The following EXOSC6 variants were observed in gnomAD, a reference collection of about 807,000 sequenced individuals.
EXOSC6 encodes exosome component 6.
Under a neutral mutation model 16.7 loss-of-function variants are expected in EXOSC6, and 21 were observed. The observed-to-expected ratio is 1.26, with a 90% CI of 0.89 to 1.82. The LOEUF is 1.82. Among genes scored for constraint, EXOSC6 ranks in the 40% most tolerant of loss-of-function variants. The pLI is 0.00. For missense variants in EXOSC6, 538 were observed against 415.7 expected (o/e 1.29, Z -2.56); for synonymous variants, 297 against 217.1 (o/e 1.37, Z -3.24).
chr16:70,251,757 C>G lies in EXOSC6; in HGVS notation c.144G>C (p.Gln48His), dbSNP rs1959829078. Reference protein sequence around the residue: ...PVYARAGLLSQAKGSAYLEAG... With the variant: ...PVYARAGLLSHAKGSAYLEAG... ...CCTCCAGGTAGGCCGAGCCCTTGGC[C>G]TGGCTCAGCAGCCCGGCGCGCGCGT... The change falls in exon 1 of 1, where the codon CAG (glutamine) becomes CAC (histidine). Residue 48 changes from glutamine (Q) to histidine (H), a missense_variant. Coordinates refer to ENST00000435634, the MANE Select transcript of EXOSC6 (RefSeq NM_058219.3). 1.4e-6 allele frequency: 2 copies of G among 1,429,444 alleles called. No individual in the cohort carries two copies. Among genetic ancestry groups the G allele is most frequent in the African/African-American group, 3.0e-5 (2 of 66,492 alleles). 88.5% of individuals were successfully genotyped at this position (1,429,444 alleles called of 1,614,324 possible).
In EXOSC6 at chr16:70,249,774, A is replaced by T. The variant is rs933465598; in HGVS notation, c.*1308T>A. 6.6e-6 allele frequency: 1 copy of T among 152,008 alleles called. No homozygotes were observed. Among genetic ancestry groups the T allele is most frequent in the African/African-American group, 2.4e-5 (1 of 41,360 alleles). The allele number at this position is 152,008 out of a possible 1,614,324, so 9.4% of individuals were successfully genotyped here. ...AGACCAGCTTGGCCAACATGATGAAACCCCATCTTCTCTAAAAATACAAAA... is the reference window on the plus strand; with the variant it reads ...AGACCAGCTTGGCCAACATGATGAATCCCCATCTTCTCTAAAAATACAAAA... On this transcript the variant is annotated 3_prime_UTR_variant, in exon 1 of 1. Transcript: ENST00000435634.
chr16:70,250,961 A>T lies in EXOSC6; in HGVS notation c.*121T>A. On this transcript the variant is annotated 3_prime_UTR_variant, in exon 1 of 1. Transcript: ENST00000435634. ...CTGGCAGTCAGGTCAGTCCAACCACAGTCATATCAGGGCCCTTCCAGGAAT... is the reference window on the plus strand; with the variant it reads ...CTGGCAGTCAGGTCAGTCCAACCACTGTCATATCAGGGCCCTTCCAGGAAT... 7.8e-7 allele frequency: 1 copy of T among 1,281,148 alleles called. No homozygotes were observed. Among genetic ancestry groups the T allele is most frequent in the Non-Finnish European group, 1.0e-6 (1 of 977,330 alleles). 79.4% of individuals were successfully genotyped at this position (1,281,148 alleles called of 1,614,324 possible).
rs544145339 is a variant in EXOSC6 at position 70,246,874 on chromosome 16, T to C, written c.*4208A>G. On this transcript the variant is annotated 3_prime_UTR_variant, in exon 1 of 1. Coordinates refer to ENST00000435634, the MANE Select transcript of EXOSC6 (RefSeq NM_058219.3). ...GCATTTAACCCTGGAACCTCAAATA[T>C]CACTGATTATACTCAAAGGAGCAGA... The C allele has an allele frequency of 1.0e-4, 58 of 574,592 alleles. 1 individual carries two copies. Among genetic ancestry groups the C allele is most frequent in the East Asian group, 9.5e-4 (27 of 28,538 alleles). 35.6% of individuals were successfully genotyped at this position (574,592 alleles called of 1,614,324 possible). A position where few individuals can be genotyped will look rare whatever the true frequency, so the allele number is the denominator to read the frequency against.
rs1959748428 is a variant in EXOSC6 at position 70,249,014 on chromosome 16, T to TTAAAAAAAAAAAAAAAA, written c.*2067_*2068insTTTTTTTTTTTTTTTTA. On this transcript the variant is annotated 3_prime_UTR_variant, in exon 1 of 1. Transcript: ENST00000435634. ...CCAAAATAAAGCATATCAAAAACTG[T>TTAAAAAAAAAAAAAAAA]AAAAAAAAAAAAAAAAAACCCTAAT... 1 of 103,388 alleles carries TTAAAAAAAAAAAAAAAA rather than the reference T, an allele frequency of 9.7e-6. No homozygotes were observed. The highest frequency in any genetic ancestry group is 4.0e-5 in the African/African-American group (1 of 24,898). 6.4% of individuals were successfully genotyped at this position (103,388 alleles called of 1,614,324 possible).
Position 70,251,109 on chromosome 16 carries a change from G to T in EXOSC6, c.792C>A (p.Arg264=). The T allele has an allele frequency of 6.7e-7, 1 of 1,502,920 alleles. No individual in the cohort carries two copies. The highest frequency in any genetic ancestry group is 8.8e-7 in the Non-Finnish European group (1 of 1,139,390). The allele number at this position is 1,502,920 out of a possible 1,614,324, so 93.1% of individuals were successfully genotyped here. The change falls in exon 1 of 1, where the codon CGC becomes CGA. Residue 264 remains arginine, a synonymous_variant. Coordinates refer to ENST00000435634, the MANE Select transcript of EXOSC6 (RefSeq NM_058219.3). The part of the protein sequence containing the change: ...VLQQSLVRAA[R]RRGAAAQP ...AGGGCTGGGCGGCGGCGCCCCTGCG[G>T]CGGGCGGCCCGCACCAGGCTCTGCT...
Position 70,251,046 on chromosome 16 carries a change from C to T in EXOSC6, c.*36G>A. 2 of 1,439,878 alleles carry T rather than the reference C, an allele frequency of 1.4e-6. No individual in the cohort carries two copies. The highest frequency in any genetic ancestry group is 9.0e-7 in the Non-Finnish European group (1 of 1,105,894). The allele number at this position is 1,439,878 out of a possible 1,614,324, so 89.2% of individuals were successfully genotyped here. A position where few individuals can be genotyped will look rare whatever the true frequency, so the allele number is the denominator to read the frequency against. On this transcript the variant is annotated 3_prime_UTR_variant, in exon 1 of 1. Transcript: ENST00000435634. The stretch of plus-strand genomic sequence containing the variant: ...TTTTCGTGGACGGCGGCAGCACGGT[C>T]CTCGGCTTGCGTCCGTAGTTGCTCA...
rs758396305 is a variant in EXOSC6, at chr16:70,251,787, G to A, written c.114C>T (p.Pro38=). Residue 38 remains proline, a synonymous_variant, in exon 1 of 1, where the codon CCC becomes CCT. Coordinates refer to ENST00000435634, the MANE Select transcript of EXOSC6 (RefSeq NM_058219.3). ...PGTRDPTRLR[P]VYARAGLLSQ... ...TCAGCAGCCCGGCGCGCGCGTACACGGGCCGTAGCCGCGTTGGGTCGCGGG... is the reference window on the plus strand; with the variant it reads ...TCAGCAGCCCGGCGCGCGCGTACACAGGCCGTAGCCGCGTTGGGTCGCGGG... 14 of 1,474,432 alleles carry A rather than the reference G, an allele frequency of 9.5e-6. No individual in the cohort carries two copies. The highest frequency in any genetic ancestry group is 2.2e-4 in the Middle Eastern group (1 of 4,478). The allele number at this position is 1,474,432 out of a possible 1,614,324, so 91.3% of individuals were successfully genotyped here.
chr16:70,247,507 A>G lies in EXOSC6; in HGVS notation c.*3575T>C, dbSNP rs1959717787. 6.6e-6 allele frequency: 1 copy of G among 152,288 alleles called. No individual in the cohort carries two copies. Among genetic ancestry groups the G allele is most frequent in the Non-Finnish European group, 1.5e-5 (1 of 68,134 alleles). 9.4% of individuals were successfully genotyped at this position (152,288 alleles called of 1,614,324 possible). On this transcript the variant is annotated 3_prime_UTR_variant, in exon 1 of 1. Transcript: ENST00000435634. ...ATCCAAAATATAAAGCAAATTTTAT[A>G]TAATTTATGCTTTACTATATTAGTA...
chr16:70,251,602 A>C lies in EXOSC6; in HGVS notation c.299T>G (p.Phe100Cys), dbSNP rs1235487575. 2.8e-6 allele frequency: 3 copies of C among 1,074,870 alleles called. No individual in the cohort carries two copies. Among genetic ancestry groups the C allele is most frequent in the South Asian group, 4.3e-5 (1 of 23,108 alleles). The allele number at this position is 1,074,870 out of a possible 1,614,324, so 66.6% of individuals were successfully genotyped here. ...AALRGRLLCD[F>C]RRAPFAGRRR... ...GCGGCCCGCGAAGGGTGCGCGGCGGAAGTCGCAGAGCAGGCGACCGCGCAG... is the reference window on the plus strand; with the variant it reads ...GCGGCCCGCGAAGGGTGCGCGGCGGCAGTCGCAGAGCAGGCGACCGCGCAG... The change falls in exon 1 of 1, where the codon TTC becomes TGC. Residue 100 changes from phenylalanine (F) to cysteine (C), a missense_variant. By Grantham distance (205) the Phe-to-Cys change is radical (BLOSUM62 -2). Transcript: ENST00000435634.
Position 70,251,145 on chromosome 16 carries a change from G to A in EXOSC6, c.756C>T (p.Tyr252=). Residue 252 remains tyrosine, a synonymous_variant, in exon 1 of 1, where the codon TAC becomes TAT. Coordinates refer to ENST00000435634, the MANE Select transcript of EXOSC6 (RefSeq NM_058219.3). The part of the protein sequence containing the change: ...RLGLEGCQRL[Y]PVLQQSLVRA... ...GCACCAGGCTCTGCTGCAGCACGGG[G>A]TAGAGGCGCTGGCAGCCCTCGAGGC... 3 of 1,538,272 alleles carry A rather than the reference G, an allele frequency of 2.0e-6. No individual in the cohort carries two copies. The highest frequency in any genetic ancestry group is 8.7e-7 in the Non-Finnish European group (1 of 1,152,972).
chr16:70,248,465 T>G lies in EXOSC6; in HGVS notation c.*2617A>C, dbSNP rs1402391489. 6.6e-6 allele frequency: 1 copy of G among 152,156 alleles called. No homozygotes were observed. Among genetic ancestry groups the G allele is most frequent in the Non-Finnish European group, 1.5e-5 (1 of 68,036 alleles). The allele number at this position is 152,156 out of a possible 1,614,324, so 9.4% of individuals were successfully genotyped here. A position where few individuals can be genotyped will look rare whatever the true frequency, so the allele number is the denominator to read the frequency against. ...CTATCTTTCTATGAATGTGAGAATTTTCACAAGAGCTGGGAAAATGTTCAT... is the reference window on the plus strand; with the variant it reads ...CTATCTTTCTATGAATGTGAGAATTGTCACAAGAGCTGGGAAAATGTTCAT... On this transcript the variant is annotated 3_prime_UTR_variant, in exon 1 of 1. Coordinates refer to ENST00000435634, the MANE Select transcript of EXOSC6 (RefSeq NM_058219.3).
In EXOSC6 at chr16:70,251,412, G is replaced by A. The variant is rs969412851; in HGVS notation, c.489C>T (p.Thr163=). Residue 163 remains threonine, a synonymous_variant, in exon 1 of 1, where the codon ACC becomes ACT. Coordinates refer to ENST00000435634, the MANE Select transcript of EXOSC6 (RefSeq NM_058219.3). ...DGGSALAAAL[T]AAALALADAG... ...CGTCGGCCAGGGCGAGCGCGGCGGC[G>A]GTGAGCGCGGCGGCCAGGGCCGAGC... The A allele has an allele frequency of 1.9e-5, 25 of 1,338,560 alleles. No individual in the cohort carries two copies. Among genetic ancestry groups the A allele is most frequent in the Non-Finnish European group, 2.3e-5 (24 of 1,051,632 alleles). The allele number at this position is 1,338,560 out of a possible 1,614,324, so 82.9% of individuals were successfully genotyped here.
At position 70,249,253 on chromosome 16, in the gene EXOSC6, G is replaced by C. The variant is rs1476439975; in HGVS notation, c.*1829C>G. The C allele has an allele frequency of 2.6e-5, 4 of 151,852 alleles. No homozygotes were observed. Among genetic ancestry groups the C allele is most frequent in the African/African-American group, 9.7e-5 (4 of 41,304 alleles). The allele number at this position is 151,852 out of a possible 1,614,324, so 9.4% of individuals were successfully genotyped here. A position where few individuals can be genotyped will look rare whatever the true frequency, so the allele number is the denominator to read the frequency against. On this transcript the variant is annotated 3_prime_UTR_variant, in exon 1 of 1. Transcript: ENST00000435634. ...ATCTCTACTAAAAATACAAAAATTA[G>C]CCAGGCTAATGGCACACTCCTGTAA...
In EXOSC6 at chr16:70,249,487, C is replaced by G. The variant is rs1410887549; in HGVS notation, c.*1595G>C. 6.6e-6 allele frequency: 1 copy of G among 151,994 alleles called. No individual in the cohort carries two copies. Among genetic ancestry groups the G allele is most frequent in the East Asian group, 1.9e-4 (1 of 5,200 alleles). 9.4% of individuals were successfully genotyped at this position (151,994 alleles called of 1,614,324 possible). On this transcript the variant is annotated 3_prime_UTR_variant, in exon 1 of 1. Transcript: ENST00000435634. ...CTGGTATTCATTTACACATAATTATCTTATACCGTTTGGAATAAGAATTTG... is the reference window on the plus strand; with the variant it reads ...CTGGTATTCATTTACACATAATTATGTTATACCGTTTGGAATAAGAATTTG...
At position 70,250,158 on chromosome 16, in the gene EXOSC6, T is replaced by C. The variant is rs879304774; in HGVS notation, c.*924A>G. The C allele has an allele frequency of 2.6e-5, 4 of 151,996 alleles. No homozygotes were observed. The highest frequency in any genetic ancestry group is 5.9e-5 in the Non-Finnish European group (4 of 68,004). 9.4% of individuals were successfully genotyped at this position (151,996 alleles called of 1,614,324 possible). ...AATAATAATAATGGTTTTATATATATGCATACACAAGCAAAGCCAGAAGAG... is the reference window on the plus strand; with the variant it reads ...AATAATAATAATGGTTTTATATATACGCATACACAAGCAAAGCCAGAAGAG... On this transcript the variant is annotated 3_prime_UTR_variant, in exon 1 of 1. Transcript: ENST00000435634.
chr16:70,251,080 G>T lies in EXOSC6; in HGVS notation c.*2C>A. ...GCGTCCGTAGTTGCTCAGGCTTCTG[G>T]TTCAGGGCTGGGCGGCGGCGCCCCT... On this transcript the variant is annotated 3_prime_UTR_variant, in exon 1 of 1. Coordinates refer to ENST00000435634, the MANE Select transcript of EXOSC6 (RefSeq NM_058219.3). 1 of 1,472,016 alleles carries T rather than the reference G, an allele frequency of 6.8e-7. No homozygotes were observed. The highest frequency in any genetic ancestry group is 1.5e-5 in the African/African-American group (1 of 67,978). 91.2% of individuals were successfully genotyped at this position (1,472,016 alleles called of 1,614,324 possible). A position where few individuals can be genotyped will look rare whatever the true frequency, so the allele number is the denominator to read the frequency against.
At position 70,250,314 on chromosome 16, in the gene EXOSC6, T is replaced by G. The variant is rs372005577; in HGVS notation, c.*768A>C. 3.3e-5 allele frequency: 5 copies of G among 152,162 alleles called. No homozygotes were observed. The highest frequency in any genetic ancestry group is 1.9e-4 in the East Asian group (1 of 5,196). The allele number at this position is 152,162 out of a possible 1,614,324, so 9.4% of individuals were successfully genotyped here. A position where few individuals can be genotyped will look rare whatever the true frequency, so the allele number is the denominator to read the frequency against. On this transcript the variant is annotated 3_prime_UTR_variant, in exon 1 of 1. Transcript: ENST00000435634. ...GCAGAAAACACACATAATACTTTAT[T>G]CCTGATAAACAATTCGATGTCCTTA...
chr16:70,251,161 C>G lies in EXOSC6; in HGVS notation c.740G>C (p.Gly247Ala). 1 of 1,529,982 alleles carries G rather than the reference C, an allele frequency of 6.5e-7. No homozygotes were observed. The highest frequency in any genetic ancestry group is 2.6e-5 in the East Asian group (1 of 38,356). The allele number at this position is 1,529,982 out of a possible 1,614,324, so 94.8% of individuals were successfully genotyped here. A position where few individuals can be genotyped will look rare whatever the true frequency, so the allele number is the denominator to read the frequency against. The change falls in exon 1 of 1, where the codon GGC (glycine) becomes GCC (alanine). Residue 247 changes from glycine to alanine, a missense_variant. By Grantham distance (60) the Gly-to-Ala change is moderately conservative. Transcript: ENST00000435634. The stretch of plus-strand genomic sequence containing the variant: ...CAGCACGGGGTAGAGGCGCTGGCAG[C>G]CCTCGAGGCCCAGGCGTACGGCCTC... ...WAEAVRLGLEGCQRLYPVLQQ... is the reference protein window; with the variant it reads ...WAEAVRLGLEACQRLYPVLQQ...
At position 70,249,563 on chromosome 16, in the gene EXOSC6, C is replaced by A. The variant is rs1959760881; in HGVS notation, c.*1519G>T. 6.6e-6 allele frequency: 1 copy of A among 152,148 alleles called. No homozygotes were observed. The highest frequency in any genetic ancestry group is 2.4e-5 in the African/African-American group (1 of 41,420). 9.4% of individuals were successfully genotyped at this position (152,148 alleles called of 1,614,324 possible). A position where few individuals can be genotyped will look rare whatever the true frequency, so the allele number is the denominator to read the frequency against. Reference sequence around the variant, plus strand: ...CAGAAAGACGTCGTGATATTTAGTTCTTGTCTCCCTCTACAAATGTGAAGC... The same window carrying A: ...CAGAAAGACGTCGTGATATTTAGTTATTGTCTCCCTCTACAAATGTGAAGC... On this transcript the variant is annotated 3_prime_UTR_variant, in exon 1 of 1. Coordinates refer to ENST00000435634, the MANE Select transcript of EXOSC6 (RefSeq NM_058219.3).
Sources: allele counts gnomAD v4.1 joint callset, GRCh38; gene constraint gnomAD v4.1.1; transcripts MANE v1.5; gene names NCBI Gene and HGNC (gene_info 2026-07-23, HGNC 2026-07-21).